Variants in TAF4 observed in about 807,000 individuals in gnomAD.
The protein encoded by TAF4 is TATA-box binding protein associated factor 4, also known as transcription initiation factor TFIID subunit 4.
In TAF4, 9 loss-of-function variants were observed where a neutral mutation model predicts 90.3. The observed-to-expected ratio is 0.10, with a 90% CI of 0.06 to 0.17. The LOEUF is 0.17. Ranked by LOEUF, TAF4 falls within the 10% of genes least tolerant of loss-of-function variation. The probability of loss-of-function intolerance (pLI) is 1.00; values close to 1 mark genes in which losing one functional copy is unlikely to be tolerated. For synonymous variants in TAF4, 818 were observed against 638.9 expected (o/e 1.28, Z -4.23); for missense variants, 1,351 against 1,370.7 (o/e 0.99, Z 0.23).
intron 1 of TAF4, among the ~76,000 whole-genome samples, chr20:62,032,462 T>C (rs1245380661): frequency 2.6e-5 from 4 of 152,206 alleles, no homozygotes; most frequent in Non-Finnish European, 5.9e-5. Flanking sequence ...AGAGTGCCAG[T>C]GGCAAGAAGA....
At chr20:62,001,163 C>T (rs180707840) in intron 9 of TAF4, among the ~76,000 whole-genome samples, 4 of 152,310 alleles carry the variant, frequency 2.6e-5, no homozygotes, top group East Asian at 1.9e-4. Context: ...TTCCTCCACC[C>T]GGAACATTCT....
At chr20:62,063,428 C>T (rs949172471) in intron 1 of TAF4, among the ~76,000 whole-genome samples, 14 of 152,134 alleles carry the variant, frequency 9.2e-5, no homozygotes, top group Non-Finnish European at 1.0e-4. Flanking sequence ...CTCCCCTGCC[C>T]AGCACCCACC....
intron 3 of TAF4, 168 bp downstream of exon 3, chr20:62,012,647 T>C: frequency 1.1e-6 from 1 of 906,258 alleles, no homozygotes; most frequent in Non-Finnish European, 1.6e-6. Context: ...TATCCCATGT[T>C]GGTGGTCAAA....
intron 5 of TAF4, 51 bp from the exon 6 acceptor site, chr20:62,007,687 A>G (rs777477485): frequency 6.6e-7 from 1 of 1,510,846 alleles, no homozygotes; most frequent in Non-Finnish European, 9.1e-7. Flanking sequence ...TTCCACACAC[A>G]CTTCTGAATC....
intron 14 of TAF4, among the ~76,000 whole-genome samples, chr20:61,987,977 G>C (rs547937504): frequency 9.8e-5 from 15 of 152,332 alleles, no homozygotes; most frequent in African/African-American, 3.1e-4. Context: ...GTTTGAGAAG[G>C]CTGCATAATT....
At position 62,006,460 on chromosome 20, in the gene TAF4, G is replaced by T; in HGVS notation, c.2223+50C>A. 7.3e-7 allele frequency: 1 copy of T among 1,370,518 alleles called. No homozygotes were observed. The highest frequency in any genetic ancestry group is 9.4e-7 in the Non-Finnish European group (1 of 1,058,556). The allele number at this position is 1,370,518 out of a possible 1,614,324, so 84.9% of individuals were successfully genotyped here. On this transcript the variant is annotated intron_variant, in intron 7 of 14. Transcript: ENST00000252996. The surrounding 1 kb of genome is among the most constrained non-coding windows in gnomAD (Gnocchi z 7.0). Reference sequence around the variant, plus strand: ...GCCAATTTATCTAAGAAGCGGGCGGGAGCAGAGGCACGGTGGGCTGTGCAG... The same window carrying T: ...GCCAATTTATCTAAGAAGCGGGCGGTAGCAGAGGCACGGTGGGCTGTGCAG...
At chr20:61,992,317 G>T (rs1481293039) in intron 14 of TAF4, among the ~76,000 whole-genome samples, 1 of 152,164 alleles carries the variant, frequency 6.6e-6, no homozygotes, top group African/African-American at 2.4e-5. Context: ...ACTTTCGGCT[G>T]TTTTCACCAC....
At chr20:61,977,027 C>T (rs1342767825) in intron 14 of TAF4, among the ~76,000 whole-genome samples, 1 of 152,200 alleles carries the variant, frequency 6.6e-6, no homozygotes, top group Non-Finnish European at 1.5e-5. Flanking sequence ...CATGACACCG[C>T]CCAGCAGGGC....
Position 62,064,614 on chromosome 20 carries a change from C to A in TAF4, c.1197G>T (p.Gly399=). The A allele has an allele frequency of 7.2e-7, 1 of 1,396,620 alleles. No homozygotes were observed. The allele number at this position is 1,396,620 out of a possible 1,614,324, so 86.5% of individuals were successfully genotyped here. A position where few individuals can be genotyped will look rare whatever the true frequency, so the allele number is the denominator to read the frequency against. ...VPPPAPGTPT[G]LPKGAAGAVT... ...CTGCGCCGGCCGCGCCTTTGGGCAG[C>A]CCGGTGGGGGTCCCGGGGGCGGGCG... is the stretch of plus-strand genomic sequence containing the variant. Residue 399 remains glycine (G), a synonymous_variant, in exon 1 of 15, where the codon GGG becomes GGT. Coordinates refer to ENST00000252996, the MANE Select transcript of TAF4 (RefSeq NM_003185.4).
intron 1 of TAF4, among the ~76,000 whole-genome samples, chr20:62,054,340 G>C (rs183160954): frequency 6.6e-6 from 1 of 152,290 alleles, no homozygotes; most frequent in East Asian, 1.9e-4. Context: ...TCTCTTCCAG[G>C]ACTTTCTGGC....
At chr20:61,982,320 C>CAA (rs2055552419) in intron 14 of TAF4, among the ~76,000 whole-genome samples, 1 of 4,804 alleles carries the variant, frequency 2.1e-4, no homozygotes. Flanking sequence ...ACACCCCATC[C>CAA]GAGGAAACAC....
At chr20:62,050,374 T>C (rs1389280411) in intron 1 of TAF4, among the ~76,000 whole-genome samples, 1 of 152,088 alleles carries the variant, frequency 6.6e-6, no homozygotes, top group Non-Finnish European at 1.5e-5. Flanking sequence ...AAGAGTCTCC[T>C]CCTGGCACCT....
chr20:62,040,510 C>G (rs1194036882), intron 1 of TAF4, among the ~76,000 whole-genome samples: 1 of 152,264 alleles, frequency 6.6e-6, no homozygotes, highest in Non-Finnish European at 1.5e-5. Context: ...CAGAATGATT[C>G]CGATCCTGTA....
At chr20:62,038,218 A>G (rs915435315) in intron 1 of TAF4, among the ~76,000 whole-genome samples, 10 of 152,092 alleles carry the variant, frequency 6.6e-5, no homozygotes, top group South Asian at 2.1e-4. Flanking sequence ...TACTAGAGAC[A>G]GGGTTTCACA....
intron 1 of TAF4, among the ~76,000 whole-genome samples, chr20:62,054,895 T>C (rs1307159159): frequency 6.6e-6 from 1 of 151,686 alleles, no homozygotes; most frequent in Non-Finnish European, 1.5e-5. Context: ...GCCACCGACA[T>C]TCCCTCTCAC....
At chr20:61,985,519 T>A (rs1356256783) in intron 14 of TAF4, among the ~76,000 whole-genome samples, 1 of 151,844 alleles carries the variant, frequency 6.6e-6, no homozygotes, top group Non-Finnish European at 1.5e-5. Flanking sequence ...ACCTGTGAGG[T>A]TAAATAAAAG....
intron 7 of TAF4, chr20:62,004,876 A>G (rs1022408711): frequency 3.3e-5 from 5 of 152,356 alleles, no homozygotes; most frequent in Non-Finnish European, 5.9e-5. Flanking sequence ...ACCATGGCCT[A>G]TGCTCTGGCC....
At chr20:62,037,765 C>T (rs2055941170) in intron 1 of TAF4, 1 of 213,886 alleles carries the variant, frequency 4.7e-6, no homozygotes. Context: ...CAGCTCCACC[C>T]CTGCCAAGTC....
intron 1 of TAF4, among the ~76,000 whole-genome samples, chr20:62,025,513 T>C (rs1018304451): frequency 6.6e-6 from 1 of 152,158 alleles, no homozygotes; most frequent in Non-Finnish European, 1.5e-5. Flanking sequence ...GACTGGATCA[T>C]GGGGACAGCT....
Sources: allele counts gnomAD v4.1 joint callset (sites outside exome capture counted in the v4.1 genomes callset), GRCh38; gene constraint gnomAD v4.1.1; non-coding constraint Gnocchi (gnomAD v3.1); transcripts MANE v1.5; gene names NCBI Gene and HGNC (gene_info 2026-07-23, HGNC 2026-07-21).